The following ST3GAL2 variants were observed in gnomAD, a reference collection of about 807,000 sequenced individuals.
The protein encoded by ST3GAL2 is CMP-N-acetylneuraminate-beta-galactosamide-alpha-2,3-sialyltransferase 2.
A neutral mutation model predicts 37.5 loss-of-function variants in ST3GAL2; 16 were observed. The observed-to-expected ratio is 0.43, with a 90% CI of 0.29 to 0.65. The LOEUF (loss-of-function observed/expected upper bound fraction) is 0.65. Ranked by LOEUF, ST3GAL2 falls within the 30% of genes least tolerant of loss-of-function variation. ST3GAL2 has a pLI of 0.17. For synonymous variants in ST3GAL2, 238 were observed against 202.9 expected (o/e 1.17, Z -1.47); for missense variants, 383 against 487.8 (o/e 0.79, Z 2.02).
rs796383573 is a variant in ST3GAL2, at chr16:70,414,682, T to A, written c.-1003-15149A>T. Among the ~76,000 whole-genome samples, 10 of 152,196 alleles carry A rather than the reference T, an allele frequency of 6.6e-5. 1 individual carries two copies. The highest frequency in any genetic ancestry group is 2.4e-4 in the African/African-American group (10 of 41,524). On this transcript the variant is annotated intron_variant, in intron 1 of 6. Transcript: ENST00000342907. The stretch of plus-strand genomic sequence containing the variant: ...CATTTCCAGGCCAAGATTCTGTTTG[T>A]TTATTTTTGAGATAGAGTCTCACTC...
At chr16:70,426,238 G>A (rs1597575935) in intron 1 of ST3GAL2, among the ~76,000 whole-genome samples, 1 of 126,976 alleles carries the variant, frequency 7.9e-6, no homozygotes, top group South Asian at 2.5e-4. Flanking sequence ...CTGTCGCCCA[G>A]GCTGGAGTGC....
At chr16:70,381,995 G>C (rs916109337) in intron 6 of ST3GAL2, 133 bp from the exon 7 acceptor site, 1 of 1,089,360 alleles carries the variant, frequency 9.2e-7, no homozygotes, top group African/African-American at 1.6e-5. Context: ...CCTGGCCTAA[G>C]GACATGGACT....
In ST3GAL2 at chr16:70,388,276, A is replaced by G. The variant is rs1045558760; in HGVS notation, c.713+91T>C. 2.6e-6 allele frequency: 4 copies of G among 1,543,138 alleles called. No homozygotes were observed. In the African/African-American group the frequency reaches 5.5e-5, roughly 21 times the overall value. Reference sequence around the variant, plus strand: ...CCAGCCCCTCTTGGCCAAAATGTTCAATGAAAGGAATCCTACAATCTGGCC... The same window carrying G: ...CCAGCCCCTCTTGGCCAAAATGTTCGATGAAAGGAATCCTACAATCTGGCC... On this transcript the variant is annotated intron_variant, in intron 4 of 6. Coordinates refer to ENST00000342907, the MANE Select transcript of ST3GAL2 (RefSeq NM_006927.4).
rs561798304 is a variant in ST3GAL2, at chr16:70,416,140, G to C, written c.-1003-16607C>G. On this transcript the variant is annotated intron_variant, in intron 1 of 6. Coordinates refer to ENST00000342907, the MANE Select transcript of ST3GAL2 (RefSeq NM_006927.4). ...TCCACTCTCTTCCTCCCGGATGATC[G>C]CAGTGTTGGTTACTGCTGACCACCA... Among the ~76,000 whole-genome samples the C allele has an allele frequency of 5.3e-5, 8 of 152,036 alleles. No individual in the cohort carries two copies. The East Asian group carries it at 1.5e-3, about 29-fold the overall frequency.
chr16:70,437,554 A>C (rs1047404139), intron 1 of ST3GAL2, among the ~76,000 whole-genome samples: 7 of 149,514 alleles, frequency 4.7e-5, no homozygotes, highest in African/African-American at 1.5e-4. Context: ...CCTGAATAAT[A>C]CAGGCAAATC....
chr16:70,404,762 C>A (rs1408294761), intron 1 of ST3GAL2, among the ~76,000 whole-genome samples: 3 of 152,110 alleles, frequency 2.0e-5, no homozygotes, highest in Non-Finnish European at 2.9e-5. Flanking sequence ...TGGCCGGGCA[C>A]GGTGGCTCAC....
intron 3 of ST3GAL2, among the ~76,000 whole-genome samples, chr16:70,391,689 G>A (rs11075763): frequency 0.85 from 128,713 of 152,210 alleles, 54,792 homozygotes; most frequent in East Asian, 0.96. Flanking sequence ...GGCAGGGGTA[G>A]GCAGGGGGTA....
intron 1 of ST3GAL2, among the ~76,000 whole-genome samples, chr16:70,417,807 C>T (rs1319002985): frequency 2.1e-5 from 3 of 140,222 alleles, no homozygotes; most frequent in African/African-American, 8.0e-5. Context: ...GGTGGCATGG[C>T]GTGGCTGGGG....
chr16:70,422,546 G>A (rs1246723900), intron 1 of ST3GAL2, among the ~76,000 whole-genome samples: 4 of 152,184 alleles, frequency 2.6e-5, no homozygotes, highest in Non-Finnish European at 5.9e-5. Flanking sequence ...AAAGACACAG[G>A]AGTGAGAGGC....
intron 1 of ST3GAL2, among the ~76,000 whole-genome samples, chr16:70,424,077 A>C (rs1433967495): frequency 6.6e-6 from 1 of 151,250 alleles, no homozygotes; most frequent in Non-Finnish European, 1.5e-5. Context: ...AAACAAAACA[A>C]AACAAAAAAA....
chr16:70,398,849 A>G lies in ST3GAL2; in HGVS notation c.-319T>C, dbSNP rs887784247. 15 of 542,014 alleles carry G rather than the reference A, an allele frequency of 2.8e-5. No individual in the cohort carries two copies. The highest frequency in any genetic ancestry group is 4.9e-5 in the Non-Finnish European group (15 of 306,542). 33.6% of individuals were successfully genotyped at this position (542,014 alleles called of 1,614,324 possible). ...GGTGAGGGGGAGGTCAGTCCATTGC[A>G]GCCCTCTAGTCCCTTGGGATTGCTG... is the stretch of plus-strand genomic sequence containing the variant. On this transcript the variant is annotated 5_prime_UTR_variant, in exon 2 of 7. Coordinates refer to ENST00000342907, the MANE Select transcript of ST3GAL2 (RefSeq NM_006927.4).
chr16:70,399,394 A>T lies in ST3GAL2; in HGVS notation c.-864T>A. The T allele has an allele frequency of 2.5e-6, 1 of 398,780 alleles. No homozygotes were observed. The highest frequency in any genetic ancestry group is 4.4e-6 in the Non-Finnish European group (1 of 226,246). The allele number at this position is 398,780 out of a possible 1,614,324, so 24.7% of individuals were successfully genotyped here. ...TGTGCTGAGCTCCCTACCAGGGTCC[A>T]GGTCTCCTTCCTAATACTCCTGGCC... On this transcript the variant is annotated 5_prime_UTR_variant, in exon 2 of 7. Transcript: ENST00000342907.
chr16:70,422,281 A>G (rs2047720476), intron 1 of ST3GAL2, among the ~76,000 whole-genome samples: 1 of 152,222 alleles, frequency 6.6e-6, no homozygotes, highest in East Asian at 1.9e-4. Flanking sequence ...TAGGCTGTGG[A>G]GTGCTGTATC....
chr16:70,386,256 C>T (rs1181444923), intron 4 of ST3GAL2, among the ~76,000 whole-genome samples: 2 of 151,360 alleles, frequency 1.3e-5, no homozygotes, highest in Non-Finnish European at 2.9e-5. Context: ...GGCGCGATCT[C>T]GGCTCACTGC....
At chr16:70,407,288 G>A (rs111556111) in intron 1 of ST3GAL2, among the ~76,000 whole-genome samples, 111 of 152,070 alleles carry the variant, frequency 7.3e-4, no homozygotes, top group African/African-American at 2.5e-3. Context: ...CTATAGGCCC[G>A]TGCCACCACG....
At position 70,385,698 on chromosome 16, in the gene ST3GAL2, C is replaced by CTTTT. The variant is rs1034830291; in HGVS notation, c.714-2467_714-2464dup. On this transcript the variant is annotated intron_variant, in intron 4 of 6. Coordinates refer to ENST00000342907, the MANE Select transcript of ST3GAL2 (RefSeq NM_006927.4). ...ACATGAAAATGTTCCTTTTTTGGTT[C>CTTTT]TTTTTTTTTTTTTTTTTTTTTTTGA... Among the ~76,000 whole-genome samples, 338 of 92,184 alleles carry CTTTT rather than the reference C, an allele frequency of 3.7e-3. 2 individuals carry two copies. The highest frequency in any genetic ancestry group is 4.4e-3 in the African/African-American group (89 of 20,160). The allele number at this position is 92,184 out of a possible 152,430, so 60.5% of individuals were successfully genotyped here.
chr16:70,399,697 C>T (rs1473569557), intron 1 of ST3GAL2, 164 bp from the exon 2 acceptor site: 2 of 362,164 alleles, frequency 5.5e-6, no homozygotes, highest in Non-Finnish European at 9.8e-6. Flanking sequence ...CAGATAGCAT[C>T]ACTGTGTGGG....
intron 1 of ST3GAL2, among the ~76,000 whole-genome samples, chr16:70,432,089 C>A (rs2047795229): frequency 6.6e-6 from 1 of 151,842 alleles, no homozygotes; most frequent in Non-Finnish European, 1.5e-5. Flanking sequence ...GAGTTCAAGG[C>A]TGCAGTGAAC....
intron 1 of ST3GAL2, among the ~76,000 whole-genome samples, chr16:70,410,450 T>G (rs1234850694): frequency 1.3e-5 from 2 of 151,402 alleles, no homozygotes; most frequent in East Asian, 3.9e-4. Flanking sequence ...AGACAGGGCT[T>G]CACCATGTTA....
Sources: allele counts gnomAD v4.1 joint callset (sites outside exome capture counted in the v4.1 genomes callset), GRCh38; gene constraint gnomAD v4.1.1; transcripts MANE v1.5; gene names NCBI Gene and HGNC (gene_info 2026-07-23, HGNC 2026-07-21).